Variants in TANC2 observed in about 807,000 individuals in gnomAD.
The protein encoded by TANC2 is tetratricopeptide repeat, ankyrin repeat and coiled-coil containing 2.
In TANC2, 26 loss-of-function variants were observed where a neutral mutation model predicts 210.5. That is an observed-to-expected ratio of 0.12 (90% CI 0.09 to 0.17). TANC2 has a LOEUF of 0.17. Ranked by LOEUF, TANC2 falls within the 10% of genes least tolerant of loss-of-function variation. The probability of loss-of-function intolerance (pLI) is 1.00; values close to 1 mark genes in which losing one functional copy is unlikely to be tolerated. For synonymous variants in TANC2, 931 were observed against 967.1 expected, an observed-to-expected ratio of 0.96 and a Z score of 0.69; for missense variants, 2,129 against 2,608.9, an observed-to-expected ratio of 0.82 and a Z score of 4.01.
chr17:63,273,294 T>C (rs1567872192), intron 9 of TANC2, among the ~76,000 whole-genome samples: 1 of 152,134 alleles, frequency 6.6e-6, no homozygotes, highest in Non-Finnish European at 1.5e-5. Flanking sequence ...CCCTGTCTCA[T>C]TTTTAAAAAA....
chr17:63,105,132 C>T (rs1431184372), intron 4 of TANC2, among the ~76,000 whole-genome samples: 1 of 151,618 alleles, frequency 6.6e-6, no homozygotes, highest in Non-Finnish European at 1.5e-5. Flanking sequence ...TACGCTAAGT[C>T]AGTCAGTCTA....
At chr17:63,124,702 T>C (rs2038637561) in intron 4 of TANC2, among the ~76,000 whole-genome samples, 1 of 152,194 alleles carries the variant, frequency 6.6e-6, no homozygotes, top group African/African-American at 2.4e-5. Context: ...CCGTGGCCTA[T>C]TAGGAACTGG....
intron 1 of TANC2, among the ~76,000 whole-genome samples, chr17:62,979,834 C>T (rs1456134945): frequency 6.6e-6 from 1 of 152,192 alleles, no homozygotes; most frequent in African/African-American, 2.4e-5. Flanking sequence ...TAGCTTGAGC[C>T]TGGGAGGGTC....
chr17:63,131,269 TTACATCAG>T (rs1191694992), intron 4 of TANC2, among the ~76,000 whole-genome samples: 2 of 152,218 alleles, frequency 1.3e-5, no homozygotes, highest in Non-Finnish European at 2.9e-5. Context: ...GTAATTACTG[TTACATCAG>T]TATGCAAACT....
In TANC2 at chr17:63,164,972, T is replaced by C. The variant is rs555585322; in HGVS notation, c.433+13592T>C. The stretch of plus-strand genomic sequence containing the variant: ...CTCTTAGCCCAGTCAGGTTGACAAA[T>C]AAAATTAACCATCAGAATGCACTGT... On this transcript the variant is annotated intron_variant, in intron 5 of 27. Transcript: ENST00000689528. Among the ~76,000 whole-genome samples the C allele has an allele frequency of 1.5e-3, 226 of 152,132 alleles. 1 individual carries two copies. The highest frequency in any genetic ancestry group is 3.7e-4 in the Non-Finnish European group (25 of 67,990).
chr17:63,222,277 A>G (rs1598638651), intron 7 of TANC2, among the ~76,000 whole-genome samples: 1 of 152,204 alleles, frequency 6.6e-6, no homozygotes, highest in East Asian at 1.9e-4. Flanking sequence ...ATTTCAATGT[A>G]TGAGTTTTAG....
At chr17:63,213,596 T>C (rs969363368) in intron 7 of TANC2, among the ~76,000 whole-genome samples, 1 of 152,192 alleles carries the variant, frequency 6.6e-6, no homozygotes, top group Non-Finnish European at 1.5e-5. Flanking sequence ...TATAAATATA[T>C]ACAACTATAT....
chr17:63,199,618 C>CAAAAAAA (rs372702611), intron 6 of TANC2, among the ~76,000 whole-genome samples: 1 of 114,294 alleles, frequency 8.7e-6, no homozygotes, highest in African/African-American at 3.0e-5. Context: ...AACTCCATCT[C>CAAAAAAA]AAAAAAAAAA....
intron 14 of TANC2, among the ~76,000 whole-genome samples, chr17:63,358,723 C>T (rs1405827081): frequency 6.6e-6 from 1 of 152,116 alleles, no homozygotes; most frequent in African/African-American, 2.4e-5. Context: ...TAAAATAAGA[C>T]ATTTGAGAGA....
rs570105891 is a variant in TANC2 at position 63,404,887 on chromosome 17, T to G, written c.3332-235T>G. ...GAAACCAAGTGAGTTTGATTAAAGG[T>G]GAATTTTCAATAGATTTATTATTAT... On this transcript the variant is annotated intron_variant, in intron 19 of 27. Coordinates refer to ENST00000689528, the Ensembl canonical transcript of TANC2. 4.6e-5 allele frequency among the ~76,000 whole-genome samples: 7 copies of G among 152,266 alleles called. No individual in the cohort carries two copies. In the South Asian group the frequency reaches 1.5e-3, roughly 32 times the overall value.
intron 11 of TANC2, among the ~76,000 whole-genome samples, chr17:63,324,515 AAAC>A (rs1387348742): frequency 2.6e-5 from 4 of 152,234 alleles, no homozygotes; most frequent in Non-Finnish European, 5.9e-5. Context: ...AGAAAATGAA[AAAC>A]AATAATGAAG....
chr17:63,274,905 C>T (rs1324079291), intron 9 of TANC2, among the ~76,000 whole-genome samples: 1 of 152,118 alleles, frequency 6.6e-6, no homozygotes, highest in Non-Finnish European at 1.5e-5. Flanking sequence ...TGAAAATGTC[C>T]ACTCTTTCTG....
intron 5 of TANC2, among the ~76,000 whole-genome samples, chr17:63,178,212 AG>A (rs2040657980): frequency 6.6e-6 from 1 of 152,182 alleles, no homozygotes; most frequent in Non-Finnish European, 1.5e-5. Flanking sequence ...GGGCGCCTGT[AG>A]TCCCAGCTAC....
chr17:62,975,884 T>C (rs1305088531), intron 1 of TANC2, among the ~76,000 whole-genome samples: 1 of 152,116 alleles, frequency 6.6e-6, no homozygotes, highest in East Asian at 1.9e-4. Context: ...GTGGAAAGTA[T>C]CCTAAATTTT....
intron 3 of TANC2, among the ~76,000 whole-genome samples, chr17:63,077,862 A>G (rs1341349768): frequency 1.3e-5 from 2 of 152,178 alleles, no homozygotes; most frequent in African/African-American, 4.8e-5. Context: ...AAGGAGGGCA[A>G]GTCTGACCTG....
At chr17:63,321,818 G>C (rs1033391633) in intron 11 of TANC2, among the ~76,000 whole-genome samples, 2 of 152,126 alleles carry the variant, frequency 1.3e-5, no homozygotes, top group Admixed American at 6.5e-5. Context: ...TGTGGGTGTT[G>C]GGGAAGGTAG....
At chr17:63,200,815 T>C (rs762316828) in exon 7 of TANC2, 50 of 1,613,856 alleles carry the variant, frequency 3.1e-5, no homozygotes, top group Non-Finnish European at 4.2e-5. Context: ...CCACTCTGAC[T>C]AGCAGCACTG....
At chr17:63,253,886 C>G (rs2043118773) in intron 8 of TANC2, among the ~76,000 whole-genome samples, 1 of 152,060 alleles carries the variant, frequency 6.6e-6, no homozygotes, top group South Asian at 2.1e-4. Context: ...TGGGCTCAAG[C>G]AGTCAGCCTG....
chr17:63,148,784 A>G lies in TANC2; in HGVS notation c.323-2486A>G, dbSNP rs1400498266. The G allele has an allele frequency of 3.9e-5, 6 of 152,100 alleles. No homozygotes were observed. The South Asian group carries it at 1.2e-3, about 32-fold the overall frequency. 9.4% of individuals were successfully genotyped at this position (152,100 alleles called of 1,614,324 possible). On this transcript the variant is annotated intron_variant, in intron 4 of 27. Coordinates refer to ENST00000689528, the Ensembl canonical transcript of TANC2. Reference sequence around the variant, plus strand: ...ATCTTATGTACCATTTTTTACAATGAAGCATATTAAAATTCCAGGCTTCCA... The same window carrying G: ...ATCTTATGTACCATTTTTTACAATGGAGCATATTAAAATTCCAGGCTTCCA...
Sources: gnomAD v4.1 joint callset for allele counts (sites outside exome capture counted in the v4.1 genomes callset) on GRCh38, gnomAD v4.1.1 for gene constraint, MANE v1.5 for transcripts, NCBI Gene and HGNC (gene_info 2026-07-23, HGNC 2026-07-21) for gene names.